Variants in SYNPO2 observed in about 807,000 individuals in gnomAD.
SYNPO2 encodes the protein synaptopodin 2.
In SYNPO2, 56 loss-of-function variants were observed where a neutral mutation model predicts 85.0. That is an observed-to-expected ratio of 0.66 (90% CI 0.53 to 0.82). SYNPO2 has a LOEUF of 0.82. Among genes scored for constraint, SYNPO2 ranks in the 40% least tolerant of loss-of-function variants. SYNPO2 has a pLI of 0.00. For synonymous variants in SYNPO2, 602 were observed against 591.1 expected, an observed-to-expected ratio of 1.02 and a Z score of -0.27; for missense variants, 1,575 against 1,534.2, an observed-to-expected ratio of 1.03 and a Z score of -0.44.
At chr4:118,967,683 A>G (rs1735369201) in intron 1 of SYNPO2, among the ~76,000 whole-genome samples, 1 of 152,182 alleles carries the variant, frequency 6.6e-6, no homozygotes. Context: ...AAAAGGTTCC[A>G]TGTTTTCCCC....
intron 1 of SYNPO2, among the ~76,000 whole-genome samples, chr4:118,996,779 C>T (rs1232834388): frequency 5.3e-5 from 8 of 150,954 alleles, no homozygotes; most frequent in Non-Finnish European, 1.2e-4. Flanking sequence ...ATCGCTCGAA[C>T]CTGGGAGGCA....
At chr4:119,047,805 G>A (rs1738916871) in intron 4 of SYNPO2, among the ~76,000 whole-genome samples, 2 of 152,160 alleles carry the variant, frequency 1.3e-5, no homozygotes, top group South Asian at 2.1e-4. Flanking sequence ...TTTCACTGAG[G>A]GCTCATTAGA....
intron 4 of SYNPO2, among the ~76,000 whole-genome samples, chr4:119,040,624 T>A (rs889633882): frequency 2.0e-5 from 3 of 152,226 alleles, no homozygotes; most frequent in African/African-American, 7.2e-5. Flanking sequence ...ATGAATGTAG[T>A]GGACTTAGTA....
intron 1 of SYNPO2, among the ~76,000 whole-genome samples, chr4:118,929,128 A>AAGAG (rs112128081): frequency 0.015 from 2,268 of 152,150 alleles, 57 homozygotes; most frequent in African/African-American, 0.052. Context: ...ATAAAGGAAA[A>AAGAG]GTAGGAAGGA....
chr4:119,010,878 A>C (rs577636097), intron 1 of SYNPO2, among the ~76,000 whole-genome samples: 3 of 152,322 alleles, frequency 2.0e-5, no homozygotes, highest in East Asian at 3.9e-4. Flanking sequence ...ATTTCCTTAC[A>C]TAAGTTCAAC....
At chr4:118,969,104 G>A (rs1186494169) in intron 1 of SYNPO2, among the ~76,000 whole-genome samples, 1 of 152,124 alleles carries the variant, frequency 6.6e-6, no homozygotes, top group African/African-American at 2.4e-5. Flanking sequence ...ACCTCAAGGG[G>A]CCCTTGCAGC....
rs185600026 is a variant in SYNPO2, at chr4:118,901,079, T to C, written c.105+11938T>C. Among the ~76,000 whole-genome samples, 224 of 152,204 alleles carry C rather than the reference T, an allele frequency of 1.5e-3. No individual in the cohort carries two copies. In the South Asian group the frequency reaches 0.015, roughly 10 times the overall value. On this transcript the variant is annotated intron_variant, in intron 1 of 4. Coordinates refer to ENST00000307142, the MANE Select transcript of SYNPO2 (RefSeq NM_133477.3). ...TTGTTTTAGTATTATTTATACTAAT[T>C]TTCTGATATATTTTTCTTTGCATCT...
In SYNPO2 at chr4:118,913,170, T is replaced by C. The variant is rs141805656; in HGVS notation, c.105+24029T>C. On this transcript the variant is annotated intron_variant, in intron 1 of 4. Coordinates refer to ENST00000307142, the MANE Select transcript of SYNPO2 (RefSeq NM_133477.3). ...TTCATGGAAAAGGCAGATTTATAAC[T>C]ATTATACAAGATGACAAGGCTTTAA... Among the ~76,000 whole-genome samples the C allele has an allele frequency of 3.1e-4, 47 of 152,306 alleles. 1 individual carries two copies. In the East Asian group the frequency reaches 8.3e-3, roughly 27 times the overall value.
At chr4:118,853,428 T>C (rs774720524) in intron 1 of SYNPO2, among the ~76,000 whole-genome samples, 11 of 152,224 alleles carry the variant, frequency 7.2e-5, no homozygotes, top group Non-Finnish European at 1.3e-4. Flanking sequence ...TGCAACAAAA[T>C]GTCGGCATGA....
chr4:118,951,041 G>A (rs1489263910), intron 1 of SYNPO2, among the ~76,000 whole-genome samples: 1 of 152,176 alleles, frequency 6.6e-6, no homozygotes, highest in Non-Finnish European at 1.5e-5. Flanking sequence ...GAGGCAGATG[G>A]AGGCAGGATT....
intron 1 of SYNPO2, among the ~76,000 whole-genome samples, chr4:118,963,011 T>G (rs1330117076): frequency 2.0e-5 from 3 of 152,182 alleles, no homozygotes; most frequent in Non-Finnish European, 4.4e-5. Context: ...TCCCATAATA[T>G]GAAGACAGAA....
At chr4:118,922,273 T>C (rs1292044371) in intron 1 of SYNPO2, among the ~76,000 whole-genome samples, 1 of 152,128 alleles carries the variant, frequency 6.6e-6, no homozygotes, top group African/African-American at 2.4e-5. Flanking sequence ...AGGTGTTGTC[T>C]AAAGTAGATG....
intron 1 of SYNPO2, among the ~76,000 whole-genome samples, chr4:118,851,146 C>G (rs1331879264): frequency 1.4e-5 from 1 of 71,316 alleles, no homozygotes; most frequent in Non-Finnish European, 2.9e-5. Flanking sequence ...ACTTTCCTGA[C>G]TGTTATCACG....
chr4:118,881,653 T>C (rs920455401), intron 1 of SYNPO2, among the ~76,000 whole-genome samples: 1 of 152,220 alleles, frequency 6.6e-6, no homozygotes, highest in South Asian at 2.1e-4. Flanking sequence ...GAACTTTAAA[T>C]CACTGGCAGT....
In SYNPO2 at chr4:119,030,876, G is replaced by A; in HGVS notation, c.2101G>A (p.Glu701Lys). 6.2e-7 allele frequency: 1 copy of A among 1,614,140 alleles called. No individual in the cohort carries two copies. The highest frequency in any genetic ancestry group is 8.5e-7 in the Non-Finnish European group (1 of 1,180,028). ...GACAAAACCCATGTTTACTTTTAAA[G>A]AGCCCAAAGTAAGCCCAAATCCTGA... ...STTKPMFTFK[E>K]PKVSPNPELL... Residue 701 changes from glutamate to lysine, a missense_variant, in exon 4 of 5, where the codon GAG becomes AAG. Around this residue, in one of 3 missense-constraint regions of SYNPO2, gnomAD observed 1,508 missense variants for 1,446.8 expected, o/e 1.04. Transcript: ENST00000307142.
In SYNPO2 at chr4:118,894,562, GTCGGGGGAACA is replaced by G. The variant is rs368289596; in HGVS notation, c.105+5424_105+5434del. Among the ~76,000 whole-genome samples, 138 of 71,722 alleles carry G rather than the reference GTCGGGGGAACA, an allele frequency of 1.9e-3. 1 individual carries two copies. Among genetic ancestry groups the G allele is most frequent in the African/African-American group, 5.5e-3 (130 of 23,534 alleles). The allele number at this position is 71,722 out of a possible 152,430, so 47.1% of individuals were successfully genotyped here. A position where few individuals can be genotyped will look rare whatever the true frequency, so the allele number is the denominator to read the frequency against. ...CGTGTTGGGGGAACGTCGGGGGAAC[GTCGGGGGAACA>G]TCAGGGGAACAAAACTGGAGAAAGA... is the stretch of plus-strand genomic sequence containing the variant. On this transcript the variant is annotated intron_variant, in intron 1 of 4. Coordinates refer to ENST00000307142, the MANE Select transcript of SYNPO2 (RefSeq NM_133477.3).
intron 1 of SYNPO2, among the ~76,000 whole-genome samples, chr4:118,993,172 GAATT>G (rs980333639): frequency 6.3e-5 from 9 of 142,040 alleles, no homozygotes; most frequent in Middle Eastern, 3.6e-3. Flanking sequence ...CTGATTTTCG[GAATT>G]AATTAAAGAA....
rs775883109 is a variant in SYNPO2 at position 119,031,310 on chromosome 4, A to G, written c.2535A>G (p.Thr845=). The stretch of plus-strand genomic sequence containing the variant: ...GTCAGAATTACACACCCAAACCAAC[A>G]GTTTCCACACCAACAGTCAATGCTG... ...VASQNYTPKP[T]VSTPTVNAVQ... is the part of the protein sequence containing the mutation. Residue 845 remains threonine, a synonymous_variant, in exon 4 of 5, where the codon ACA becomes ACG. Transcript: ENST00000307142. 6.8e-6 allele frequency: 11 copies of G among 1,614,086 alleles called. No individual in the cohort carries two copies. Among genetic ancestry groups the G allele is most frequent in the Non-Finnish European group, 8.5e-6 (10 of 1,180,050 alleles).
chr4:118,882,357 AT>A (rs1167993235), intron 1 of SYNPO2, among the ~76,000 whole-genome samples: 1 of 152,220 alleles, frequency 6.6e-6, no homozygotes, highest in African/African-American at 2.4e-5. Context: ...TTGACATTAC[AT>A]TTTTCCCTAA....
Sources: gnomAD v4.1 joint callset for allele counts (sites outside exome capture counted in the v4.1 genomes callset) on GRCh38, gnomAD v4.1.1 for gene constraint, gnomAD v4.1.1 regional missense constraint, MANE v1.5 for transcripts, NCBI Gene and HGNC (gene_info 2026-07-23, HGNC 2026-07-21) for gene names.